The following IGSF3 variants were observed in gnomAD, a reference collection of about 807,000 sequenced individuals.
IGSF3 encodes the protein glu-Trp-Ile EWI motif-containing protein 3.
Under a neutral mutation model 114.4 loss-of-function variants are expected in IGSF3, and 23 were observed. That is an observed-to-expected ratio of 0.20 (90% CI 0.14 to 0.28). The LOEUF (loss-of-function observed/expected upper bound fraction) is 0.28. IGSF3 is among the 10% of genes least tolerant of loss of function. The probability of loss-of-function intolerance (pLI) is 1.00; values close to 1 mark genes in which losing one functional copy is unlikely to be tolerated. For synonymous variants in IGSF3, 571 were observed against 645.2 expected (o/e 0.88, Z 1.74); for missense variants, 1,172 against 1,591.5 (o/e 0.74, Z 4.48).
chr1:116,640,595 C>T (rs557766716), intron 2 of IGSF3, among the ~76,000 whole-genome samples: 65 of 152,216 alleles, frequency 4.3e-4, no homozygotes, highest in Admixed American at 2.6e-3. Context: ...GAGGGTAATC[C>T]TTGTTGACAT....
chr1:116,656,371 G>A (rs915530809), intron 2 of IGSF3, among the ~76,000 whole-genome samples: 8 of 137,396 alleles, frequency 5.8e-5, no homozygotes, highest in African/African-American at 1.9e-4. Context: ...CGCAATCTCG[G>A]CTCACTGCAA....
intron 2 of IGSF3, among the ~76,000 whole-genome samples, chr1:116,640,127 A>G (rs186485353): frequency 2.0e-4 from 31 of 152,280 alleles, no homozygotes; most frequent in African/African-American, 6.7e-4. Flanking sequence ...AAAAATGCCA[A>G]GTTTCTTAGC....
At chr1:116,619,052 G>C (rs1215957805) in intron 2 of IGSF3, among the ~76,000 whole-genome samples, 3 of 152,134 alleles carry the variant, frequency 2.0e-5, no homozygotes, top group African/African-American at 7.2e-5. Context: ...TTCAAATCAG[G>C]TGTAGCAAAG....
At chr1:116,637,683 G>A (rs971433169) in intron 2 of IGSF3, among the ~76,000 whole-genome samples, 3 of 152,190 alleles carry the variant, frequency 2.0e-5, no homozygotes, top group Non-Finnish European at 4.4e-5. Flanking sequence ...CCTACACTTT[G>A]CAGCTGGATT....
chr1:116,640,265 G>A (rs1648030925), intron 2 of IGSF3, among the ~76,000 whole-genome samples: 1 of 152,154 alleles, frequency 6.6e-6, no homozygotes, highest in African/African-American at 2.4e-5. Context: ...ACAAATGCCT[G>A]TGCACATCCA....
chr1:116,653,159 ATTAG>A (rs1648702260), intron 2 of IGSF3, among the ~76,000 whole-genome samples: 1 of 152,234 alleles, frequency 6.6e-6, no homozygotes, highest in Non-Finnish European at 1.5e-5. Flanking sequence ...GTCTTAAGAG[ATTAG>A]TTACTTAAAA....
Position 116,585,702 on chromosome 1 carries a change from G to A in IGSF3, c.2441-650C>T, listed in dbSNP as rs482724. On this transcript the variant is annotated intron_variant, in intron 8 of 10. Transcript: ENST00000369486. This position sits in a 1 kb window ranked among gnomAD's most constrained non-coding sequence, Gnocchi z 4.9. ...TTTGGGACGCCGAGGTGGGTGGATC[G>A]CTTGAGGCCAGGAGTTTGAGACCAG... 0.52 allele frequency among the ~76,000 whole-genome samples: 78,599 copies of A among 151,874 alleles called. 23,732 individuals carry two copies. Among genetic ancestry groups the A allele is most frequent in the African/African-American group, 0.84 (35,035 of 41,470 alleles).
rs13376608 is a variant in IGSF3, at chr1:116,614,273, C to A, written c.422-98G>T. The A allele has an allele frequency of 2.9e-3, 2,782 of 948,444 alleles. 60 individuals are homozygous for A. In the African/African-American group the frequency reaches 0.041, roughly 14 times the overall value. The allele number at this position is 948,444 out of a possible 1,614,324, so 58.8% of individuals were successfully genotyped here. On this transcript the variant is annotated intron_variant, in intron 3 of 10. Transcript: ENST00000369486. This position sits in a 1 kb window ranked among gnomAD's most constrained non-coding sequence, Gnocchi z 4.5. The stretch of plus-strand genomic sequence containing the variant: ...ATTCCACGCAGGCGTCACTGCACTG[C>A]GCCCCTAACAGTCATCCTTGAACCA...
At chr1:116,606,140 T>C (rs2101460128) in intron 5 of IGSF3, among the ~76,000 whole-genome samples, 2 of 152,344 alleles carry the variant, frequency 1.3e-5, no homozygotes, top group South Asian at 4.1e-4. Context: ...ACAGAACTAA[T>C]AAAAATCTGA....
chr1:116,626,637 G>A (rs755354481), intron 2 of IGSF3, among the ~76,000 whole-genome samples: 2 of 151,978 alleles, frequency 1.3e-5, no homozygotes, highest in Non-Finnish European at 2.9e-5. Flanking sequence ...GGATGTCCAT[G>A]GCTATTTCAC....
rs1304298682 is a variant in IGSF3 at position 116,657,699 on chromosome 1, G to A, written c.43+8585C>T. 6.6e-6 allele frequency among the ~76,000 whole-genome samples: 1 copy of A among 152,144 alleles called. No homozygotes were observed. Among genetic ancestry groups the A allele is most frequent in the Admixed American group, 6.5e-5 (1 of 15,274 alleles). On this transcript the variant is annotated intron_variant, in intron 2 of 10. Transcript: ENST00000369486. This position sits in a 1 kb window ranked among gnomAD's most constrained non-coding sequence, Gnocchi z 4.2. ...GCCTGCCTCATGCCATGGCACCAGC[G>A]ATGCCACAGGTGTACCCAGTGCCCT...
intron 2 of IGSF3, among the ~76,000 whole-genome samples, chr1:116,620,996 G>C (rs1309843078): frequency 2.0e-5 from 3 of 152,184 alleles, no homozygotes; most frequent in African/African-American, 7.2e-5. Flanking sequence ...CCCAATGTTA[G>C]AGGTGGGGCC....
chr1:116,609,911 C>T (rs1417262598), intron 4 of IGSF3, among the ~76,000 whole-genome samples: 2 of 152,160 alleles, frequency 1.3e-5, no homozygotes, highest in African/African-American at 4.8e-5. Context: ...CCCCTCCCCC[C>T]GATATAGGCC....
chr1:116,620,390 T>C (rs543694362), intron 2 of IGSF3, among the ~76,000 whole-genome samples: 2 of 152,270 alleles, frequency 1.3e-5, no homozygotes, highest in South Asian at 2.1e-4. Context: ...TGAAATCCCA[T>C]ATGAAAACCC....
At position 116,584,459 on chromosome 1, in the gene IGSF3, G is replaced by GGAA. The variant is rs1303706282; in HGVS notation, c.2848+185_2848+186insTTC. 1.7e-6 allele frequency: 1 copy of GGAA among 603,838 alleles called. No individual in the cohort carries two copies. Among genetic ancestry groups the GGAA allele is most frequent in the African/African-American group, 1.8e-5 (1 of 54,212 alleles). 37.4% of individuals were successfully genotyped at this position (603,838 alleles called of 1,614,324 possible). On this transcript the variant is annotated intron_variant, in intron 9 of 10. Coordinates refer to ENST00000369486, the MANE Select transcript of IGSF3 (RefSeq NM_001007237.3). This position sits in a 1 kb window ranked among gnomAD's most constrained non-coding sequence, Gnocchi z 5.8. The stretch of plus-strand genomic sequence containing the variant: ...AAATCACCTTAGGCCAAAGCCAGAC[G>GGAA]TGCAATTTTCCATTCACAAGAAAAA...
At chr1:116,653,693 C>G (rs1648731604) in intron 2 of IGSF3, among the ~76,000 whole-genome samples, 1 of 152,190 alleles carries the variant, frequency 6.6e-6, no homozygotes, top group South Asian at 2.1e-4. Flanking sequence ...GACAATTCAC[C>G]TTTAAAATAA....
At chr1:116,641,526 GAAAGA>G (rs1313842741) in intron 2 of IGSF3, among the ~76,000 whole-genome samples, 5 of 128,552 alleles carry the variant, frequency 3.9e-5, no homozygotes, top group South Asian at 2.4e-4. Context: ...AAAAGAAGAA[GAAAGA>G]AAAGAAAAGA....
At position 116,618,828 on chromosome 1, in the gene IGSF3, A is replaced by G. The variant is rs570819358; in HGVS notation, c.44-2371T>C. Reference sequence around the variant, plus strand: ...GGTATCCTTTGAATTGCGGTGTTCTATGACAGCGCAACTACAACCAACCCC... The same window carrying G: ...GGTATCCTTTGAATTGCGGTGTTCTGTGACAGCGCAACTACAACCAACCCC... On this transcript the variant is annotated intron_variant, in intron 2 of 10. Coordinates refer to ENST00000369486, the MANE Select transcript of IGSF3 (RefSeq NM_001007237.3). The surrounding 1 kb of genome is among the most constrained non-coding windows in gnomAD (Gnocchi z 4.7). Among the ~76,000 whole-genome samples the G allele has an allele frequency of 2.0e-5, 3 of 152,214 alleles. No individual in the cohort carries two copies. Among genetic ancestry groups the G allele is most frequent in the Admixed American group, 6.5e-5 (1 of 15,278 alleles).
At chr1:116,606,444 A>G (rs916934722) in intron 5 of IGSF3, 3 of 1,612,084 alleles carry the variant, frequency 1.9e-6, no homozygotes, top group Non-Finnish European at 2.5e-6. Context: ...AATCCAAGGC[A>G]TTGTCACCAT....
Sources: allele counts gnomAD v4.1 joint callset (sites outside exome capture counted in the v4.1 genomes callset), GRCh38; gene constraint gnomAD v4.1.1; non-coding constraint Gnocchi (gnomAD v3.1); transcripts MANE v1.5; gene names NCBI Gene and HGNC (gene_info 2026-07-23, HGNC 2026-07-21).